TDRD12: variants seen among roughly 807,000 people sequenced by gnomAD.
TDRD12 encodes the protein tudor domain containing 12.
In TDRD12, 158 loss-of-function variants were observed where a neutral mutation model predicts 133.5. That is an observed-to-expected ratio of 1.18 (90% CI 1.04 to 1.35). TDRD12 has a LOEUF of 1.35. Ranked by LOEUF, TDRD12 falls within the 40% of genes most tolerant of loss-of-function variation. The pLI, the probability that TDRD12 is intolerant of heterozygous loss-of-function variation, is 0.00. For synonymous variants in TDRD12, 460 were observed against 477.9 expected, an observed-to-expected ratio of 0.96 and a Z score of 0.49; for missense variants, 1,443 against 1,321.3, an observed-to-expected ratio of 1.09 and a Z score of -1.43.
chr19:32,752,906 C>T (rs1313636361), intron 6 of TDRD12, among the ~76,000 whole-genome samples: 2 of 151,272 alleles, frequency 1.3e-5, no homozygotes, highest in Non-Finnish European at 2.9e-5. Context: ...CATTCTCCTG[C>T]CTCAACCTCC....
chr19:32,802,163 GATAAT>G (rs1568487033), intron 19 of TDRD12, among the ~76,000 whole-genome samples: 2 of 140,036 alleles, frequency 1.4e-5, no homozygotes, highest in Non-Finnish European at 3.0e-5. Flanking sequence ...ATATATATAT[GATAAT>G]ATATATCATA....
At chr19:32,829,555 A>G (rs1329979718), downstream of TDRD12, 2 of 152,260 alleles carry the variant, frequency 1.3e-5, no homozygotes, top group Admixed American at 1.3e-4. Context: ...TGTATCATCA[A>G]TAAAATTTCA....
chr19:32,769,869 C>T (rs1040933922), intron 8 of TDRD12, among the ~76,000 whole-genome samples: 28 of 152,162 alleles, frequency 1.8e-4, no homozygotes, highest in Non-Finnish European at 3.2e-4. Context: ...CTCCCGACCT[C>T]AGGTGATCCA....
chr19:32,800,969 G>A lies in TDRD12; in HGVS notation c.2079+197G>A, dbSNP rs577623614. ...CTGGATCTGGGGAGGAGCCAGGTGC[G>A]GGGGCAGGGCTTTTCCTCTGCAGCA... On this transcript the variant is annotated intron_variant, in intron 18 of 27. Transcript: ENST00000444215. 1.2e-4 allele frequency among the ~76,000 whole-genome samples: 18 copies of A among 144,816 alleles called. No homozygotes were observed. In the South Asian group the frequency reaches 2.7e-3, roughly 22 times the overall value.
At chr19:32,726,903 G>A (rs984468756) in intron 1 of TDRD12, among the ~76,000 whole-genome samples, 1 of 152,182 alleles carries the variant, frequency 6.6e-6, no homozygotes, top group East Asian at 1.9e-4. Context: ...ATGAACACAG[G>A]TGTGTACGTA....
intron 3 of TDRD12, among the ~76,000 whole-genome samples, chr19:32,739,552 G>GT (rs1969334639): frequency 2.1e-5 from 3 of 140,342 alleles, no homozygotes; most frequent in Admixed American, 7.2e-5. Context: ...CATCTCCTGG[G>GT]GCTCTCTTTG....
intron 21 of TDRD12, among the ~76,000 whole-genome samples, chr19:32,803,486 CAG>C (rs1181089685): frequency 1.3e-5 from 2 of 152,192 alleles, no homozygotes; most frequent in African/African-American, 4.8e-5. Context: ...GGCTGTATCA[CAG>C]TGTGTGTATC....
chr19:32,738,786 C>T (rs1969301770), intron 2 of TDRD12, 70 bp from the exon 3 acceptor site: 1 of 1,481,708 alleles, frequency 6.7e-7, no homozygotes, highest in Non-Finnish European at 9.1e-7. Flanking sequence ...GCACTCCAGC[C>T]TGGGCAATGG....
chr19:32,761,112 T>G (rs900702172), intron 8 of TDRD12, among the ~76,000 whole-genome samples: 7 of 152,110 alleles, frequency 4.6e-5, no homozygotes, highest in Non-Finnish European at 7.4e-5. Context: ...AGACGTTTCT[T>G]GTTTTTGTTT....
chr19:32,770,355 T>A (rs1348276107), intron 8 of TDRD12, among the ~76,000 whole-genome samples: 1 of 152,086 alleles, frequency 6.6e-6, no homozygotes, highest in Non-Finnish European at 1.5e-5. Context: ...ATTTTCTTTA[T>A]TATTTTCTGC....
chr19:32,753,574 G>C (rs1691360956), intron 6 of TDRD12, among the ~76,000 whole-genome samples: 1 of 151,456 alleles, frequency 6.6e-6, no homozygotes, highest in Admixed American at 6.6e-5. Context: ...CGCGATCTCT[G>C]CTCACTGCAA....
chr19:32,719,930 C>T (rs1381791156), exon 1 of TDRD12: 13 of 1,059,042 alleles, frequency 1.2e-5, no homozygotes, highest in East Asian at 2.6e-5. Flanking sequence ...GGGCACCTGC[C>T]GCGGGGGGCC....
intron 1 of TDRD12, among the ~76,000 whole-genome samples, chr19:32,724,591 A>C (rs1425359920): frequency 6.6e-6 from 1 of 152,130 alleles, no homozygotes; most frequent in Non-Finnish European, 1.5e-5. Context: ...TCCATGGTGT[A>C]TATGTACCAA....
At chr19:32,749,702 G>A in intron 5 of TDRD12, 82 bp from the exon 6 acceptor site, 1 of 1,099,010 alleles carries the variant, frequency 9.1e-7, no homozygotes, top group South Asian at 1.4e-5. Flanking sequence ...GTTAGCAGAG[G>A]TTACTAGGTG....
At chr19:32,775,505 A>T (rs1970555940) in intron 10 of TDRD12, among the ~76,000 whole-genome samples, 1 of 151,790 alleles carries the variant, frequency 6.6e-6, no homozygotes, top group Admixed American at 6.6e-5. Flanking sequence ...TAACATTTTA[A>T]TTTTTTTGCA....
At chr19:32,808,101 A>C (rs539393216) in intron 22 of TDRD12, among the ~76,000 whole-genome samples, 1 of 152,320 alleles carries the variant, frequency 6.6e-6, no homozygotes, top group Non-Finnish European at 1.5e-5. Flanking sequence ...TGATTACATG[A>C]ATCTTTTCAA....
chr19:32,732,808 A>G lies in TDRD12; in HGVS notation c.183+925A>G, dbSNP rs112190257. Among the ~76,000 whole-genome samples, 71 of 152,386 alleles carry G rather than the reference A, an allele frequency of 4.7e-4. 1 individual carries two copies. Among genetic ancestry groups the G allele is most frequent in the African/African-American group, 1.7e-3 (71 of 41,598 alleles). On this transcript the variant is annotated intron_variant, in intron 2 of 27. Transcript: ENST00000444215. Reference sequence around the variant, plus strand: ...GTATATGTGCTGCCGAAGCAAGCACAATAACATAATTTGTTTCCACGCCAT... The same window carrying G: ...GTATATGTGCTGCCGAAGCAAGCACGATAACATAATTTGTTTCCACGCCAT...
At chr19:32,734,547 AT>A (rs200366370) in intron 2 of TDRD12, among the ~76,000 whole-genome samples, 26 of 151,142 alleles carry the variant, frequency 1.7e-4, no homozygotes, top group Non-Finnish European at 3.5e-4. Flanking sequence ...ATTTTTTTGT[AT>A]TTTTTGTGGT....
chr19:32,761,070 C>T (rs116311911), intron 8 of TDRD12, among the ~76,000 whole-genome samples: 278 of 152,260 alleles, frequency 1.8e-3, no homozygotes, highest in African/African-American at 5.9e-3. Context: ...ATCAAAGAGA[C>T]GTCGTTCAGC....
Sources: gnomAD v4.1 joint callset for allele counts (sites outside exome capture counted in the v4.1 genomes callset) on GRCh38, gnomAD v4.1.1 for gene constraint, MANE v1.5 for transcripts, NCBI Gene and HGNC (gene_info 2026-07-23, HGNC 2026-07-21) for gene names.